Variants in FEZ1 observed in about 807,000 individuals in gnomAD.
The protein encoded by FEZ1 is fasciculation and elongation protein zeta-1.
FEZ1 carries 20 observed loss-of-function variants against 49.3 expected under a neutral mutation model. The observed-to-expected ratio is 0.41, with a 90% CI of 0.29 to 0.59. The LOEUF (loss-of-function observed/expected upper bound fraction) is 0.59. FEZ1 is among the 20% of genes least tolerant of loss of function. FEZ1 has a pLI of 0.36. For synonymous variants in FEZ1, 170 were observed against 180.9 expected, an observed-to-expected ratio of 0.94 and a Z score of 0.48; for missense variants, 413 against 476.0, an observed-to-expected ratio of 0.87 and a Z score of 1.23.
chr11:125,454,305 G>C, intron 6 of FEZ1, 95 bp from the exon 7 acceptor site: 1 of 848,624 alleles, frequency 1.2e-6, no homozygotes, highest in Non-Finnish European at 1.9e-6. Flanking sequence ...CCCAGATAAC[G>C]CCCCAGGGTT....
chr11:125,469,642 T>G (rs780977631), intron 3 of FEZ1, among the ~76,000 whole-genome samples: 5 of 151,974 alleles, frequency 3.3e-5, no homozygotes, highest in Non-Finnish European at 5.9e-5. Context: ...TAGCTCACTG[T>G]AGCCTCAAAC....
intron 7 of FEZ1, 21 bp from the exon 8 acceptor site, chr11:125,452,430 A>G: frequency 6.5e-7 from 1 of 1,543,954 alleles, no homozygotes; most frequent in Non-Finnish European, 9.0e-7. Context: ...AACAGCATGC[A>G]GGGGGCTTGA....
At chr11:125,474,941 A>G (rs1957217257) in intron 3 of FEZ1, among the ~76,000 whole-genome samples, 1 of 151,954 alleles carries the variant, frequency 6.6e-6, no homozygotes, top group African/African-American at 2.4e-5. Flanking sequence ...ACAATGTACT[A>G]AAAAAATGCA....
intron 4 of FEZ1, among the ~76,000 whole-genome samples, chr11:125,460,895 T>A (rs1004718854): frequency 1.3e-5 from 2 of 152,212 alleles, no homozygotes; most frequent in Non-Finnish European, 2.9e-5. Flanking sequence ...CAAGAGCTCC[T>A]TTTAGATAAA....
chr11:125,491,242 C>T (rs11220091), intron 1 of FEZ1, among the ~76,000 whole-genome samples: 7,125 of 152,236 alleles, frequency 0.047, 243 homozygotes, highest in Middle Eastern at 0.082. Context: ...CAGTTCCCAC[C>T]AACTGTGGGA....
chr11:125,488,369 T>TG (rs1253769272), intron 2 of FEZ1, among the ~76,000 whole-genome samples: 2 of 152,336 alleles, frequency 1.3e-5, no homozygotes, highest in African/African-American at 4.8e-5. Context: ...AGGCATTAAC[T>TG]GGGGGTCTTA....
At chr11:125,470,225 T>C (rs761280554) in intron 3 of FEZ1, among the ~76,000 whole-genome samples, 11 of 152,150 alleles carry the variant, frequency 7.2e-5, no homozygotes, top group Non-Finnish European at 1.5e-4. Context: ...TTTATCAGAA[T>C]TCATTTAAAA....
intron 6 of FEZ1, among the ~76,000 whole-genome samples, chr11:125,455,102 C>T (rs540265246): frequency 6.6e-6 from 1 of 151,254 alleles, no homozygotes; most frequent in East Asian, 2.0e-4. Flanking sequence ...AACAATAAGG[C>T]ATCTGGGGCC....
chr11:125,447,022 C>T (rs192913874), intron 9 of FEZ1, among the ~76,000 whole-genome samples: 15 of 152,130 alleles, frequency 9.9e-5, no homozygotes, highest in African/African-American at 3.1e-4. Flanking sequence ...CCTCTGCAAC[C>T]GTACATAGTT....
chr11:125,483,420 C>T (rs1241576576), intron 2 of FEZ1, among the ~76,000 whole-genome samples: 1 of 152,158 alleles, frequency 6.6e-6, no homozygotes, highest in African/African-American at 2.4e-5. Context: ...ATCAAGTACT[C>T]GTTAGCCATC....
chr11:125,447,292 A>C (rs1029807481), intron 9 of FEZ1, among the ~76,000 whole-genome samples: 10 of 152,234 alleles, frequency 6.6e-5, no homozygotes, highest in Non-Finnish European at 4.4e-5. Context: ...GGATGAAATT[A>C]GCAAAAATCC....
rs74520437 is a variant in FEZ1 at position 125,495,180 on chromosome 11, C to T, written c.-46+941G>A. 1.4e-5 allele frequency: 5 copies of T among 357,884 alleles called. No homozygotes were observed. The highest frequency in any genetic ancestry group is 8.5e-5 in the South Asian group (4 of 46,926). The allele number at this position is 357,884 out of a possible 1,614,324, so 22.2% of individuals were successfully genotyped here. A position where few individuals can be genotyped will look rare whatever the true frequency, so the allele number is the denominator to read the frequency against. On this transcript the variant is annotated intron_variant, in intron 1 of 9. Coordinates refer to ENST00000278919, the MANE Select transcript of FEZ1 (RefSeq NM_005103.5). This position sits in a 1 kb window ranked among gnomAD's most constrained non-coding sequence, Gnocchi z 4.2. ...CCATCTCAGATCCCCCTCCTCCCCCCAGTCCGGTGGGGTAAAGAAAGCCTC... is the reference window on the plus strand; with the variant it reads ...CCATCTCAGATCCCCCTCCTCCCCCTAGTCCGGTGGGGTAAAGAAAGCCTC...
intron 1 of FEZ1, among the ~76,000 whole-genome samples, chr11:125,490,805 C>A (rs1430201612): frequency 1.3e-5 from 2 of 152,172 alleles, no homozygotes; most frequent in Non-Finnish European, 2.9e-5. Flanking sequence ...CACTCTGTGG[C>A]CCAGGCTGGA....
intron 1 of FEZ1, among the ~76,000 whole-genome samples, chr11:125,491,314 T>G (rs1404258054): frequency 6.6e-6 from 1 of 152,202 alleles, no homozygotes; most frequent in Admixed American, 6.5e-5. Flanking sequence ...TCCATCTGTG[T>G]GTACATCTGG....
chr11:125,451,266 C>A (rs1396699115), intron 8 of FEZ1: 1 of 152,176 alleles, frequency 6.6e-6, no homozygotes, highest in African/African-American at 2.4e-5. Flanking sequence ...GAGTTAAGGA[C>A]AAGTCACTGT....
chr11:125,492,945 G>A (rs2135791830), intron 1 of FEZ1, among the ~76,000 whole-genome samples: 1 of 149,160 alleles, frequency 6.7e-6, no homozygotes, highest in South Asian at 2.1e-4. Flanking sequence ...GCCAGCCTGG[G>A]TGACAAAGTG....
At position 125,448,563 on chromosome 11, in the gene FEZ1, G is replaced by C; in HGVS notation, c.1101C>G (p.Leu367=). The part of the protein sequence containing the change: ...VEDLQMLTNI[L]FAMKEDNEKV... The stretch of plus-strand genomic sequence containing the variant: ...TCTCATTATCCTCCTTCATGGCAAA[G>C]AGAACTAGGAAAGGAGACAGAGAGA... Residue 367 remains leucine (L), a synonymous_variant, in exon 9 of 10, where the codon CTC becomes CTG. Transcript: ENST00000278919. The C allele has an allele frequency of 6.2e-7, 1 of 1,607,440 alleles. No homozygotes were observed. Among genetic ancestry groups the C allele is most frequent in the Non-Finnish European group, 8.5e-7 (1 of 1,174,000 alleles).
chr11:125,450,235 G>A lies in FEZ1; in HGVS notation c.1097-1668C>T, dbSNP rs190155926. Among the ~76,000 whole-genome samples, 652 of 152,234 alleles carry A rather than the reference G, an allele frequency of 4.3e-3. 5 individuals are homozygous for A. Among genetic ancestry groups the A allele is most frequent in the African/African-American group, 0.015 (620 of 41,552 alleles). On this transcript the variant is annotated intron_variant, in intron 8 of 9. Transcript: ENST00000278919. ...GTAGAGATGGGGGTTTCACCATGTTGGCCAGGCTGGTCTCAAACTCCTGAC... is the reference window on the plus strand; with the variant it reads ...GTAGAGATGGGGGTTTCACCATGTTAGCCAGGCTGGTCTCAAACTCCTGAC...
At chr11:125,481,442 CA>C in intron 3 of FEZ1, 91 bp downstream of exon 3, 1 of 832,850 alleles carries the variant, frequency 1.2e-6, no homozygotes, top group Non-Finnish European at 2.1e-6. Flanking sequence ...CCTCCATCAA[CA>C]ATTTTGAGGA....
Sources: allele counts gnomAD v4.1 joint callset (sites outside exome capture counted in the v4.1 genomes callset), GRCh38; gene constraint gnomAD v4.1.1; non-coding constraint Gnocchi (gnomAD v3.1); transcripts MANE v1.5; gene names NCBI Gene and HGNC (gene_info 2026-07-23, HGNC 2026-07-21).